Variants in SYNE3 observed in about 807,000 individuals in gnomAD.
The protein encoded by SYNE3 is nesprin-3.
A neutral mutation model predicts 111.2 loss-of-function variants in SYNE3; 100 were observed. The ratio of observed to expected loss-of-function variants is 0.90; its 90% CI spans 0.77 to 1.06. SYNE3 has a LOEUF of 1.06. SYNE3 is among the 50% of genes least tolerant of loss of function. The pLI, the probability that SYNE3 is intolerant of heterozygous loss-of-function variation, is 0.00. For missense variants in SYNE3, 1,160 were observed against 1,240.3 expected (o/e 0.94, Z 0.97); for synonymous variants, 547 against 533.9 (o/e 1.02, Z -0.34).
rs1427904116 is a variant in SYNE3 at position 95,474,714 on chromosome 14, G to T, written c.144+964C>A. 2.6e-5 allele frequency among the ~76,000 whole-genome samples: 4 copies of T among 152,212 alleles called. No individual in the cohort carries two copies. The East Asian group carries it at 7.7e-4, about 29-fold the overall frequency. On this transcript the variant is annotated intron_variant, in intron 2 of 17. Transcript: ENST00000682763. The stretch of plus-strand genomic sequence containing the variant: ...CACGGTCCACTTCCAGAAAGGGCAT[G>T]AGATATATGCAATATGGTGCACAGT...
At chr14:95,472,836 G>A (rs917552807) in intron 2 of SYNE3, among the ~76,000 whole-genome samples, 3 of 152,064 alleles carry the variant, frequency 2.0e-5, no homozygotes, top group African/African-American at 7.2e-5. Context: ...GGGGTGAGGG[G>A]GTTCATTCCT....
chr14:95,513,749 A>ATATATATATT (rs1349537114), intron 1 of SYNE3, among the ~76,000 whole-genome samples: 2 of 140,172 alleles, frequency 1.4e-5, no homozygotes, highest in African/African-American at 5.3e-5. Flanking sequence ...ATATATATAT[A>ATATATATATT]TATATATATA....
chr14:95,483,815 C>T (rs539042503), intron 1 of SYNE3, among the ~76,000 whole-genome samples: 42 of 152,166 alleles, frequency 2.8e-4, no homozygotes, highest in Admixed American at 1.2e-3. Context: ...TGCAGGGCCA[C>T]GCCACCCTCT....
Position 95,450,071 on chromosome 14 carries a change from C to T in SYNE3, c.1309G>A (p.Ala437Thr), listed in dbSNP as rs1179127265. 3 of 1,573,924 alleles carry T rather than the reference C, an allele frequency of 1.9e-6. No homozygotes were observed. Among genetic ancestry groups the T allele is most frequent in the African/African-American group, 1.4e-5 (1 of 73,832 alleles). The change falls in exon 8 of 18, where the codon GCG becomes ACG. Residue 437 changes from alanine to threonine, a missense_variant. Coordinates refer to ENST00000682763, the MANE Select transcript of SYNE3 (RefSeq NM_152592.6). ...AAATGCTGCCACAGCTCCACCGCCG[C>T]GGCATTGCGCAGCCTCGCGCTCTTC... ...KVKSARLRNAAAVELWQHFQR... is the reference protein window; with the variant it reads ...KVKSARLRNATAVELWQHFQR...
At position 95,417,905 on chromosome 14, in the gene SYNE3, T is replaced by C; in HGVS notation, c.2849A>G (p.Asp950Gly). 3 of 1,614,136 alleles carry C rather than the reference T, an allele frequency of 1.9e-6. No individual in the cohort carries two copies. The highest frequency in any genetic ancestry group is 2.5e-6 in the Non-Finnish European group (3 of 1,180,010). ...GTTGTTGGCCAGGGTGCAGCTGCGG[T>C]CCTCTTCCCTGATTGGGAGCAGGAA... ...LLFLLPIREE[D>G]RSCTLANNFA... The change falls in exon 18 of 18, where the codon GAC (aspartate) becomes GGC (glycine). Residue 950 changes from aspartate (D) to glycine (G), a missense_variant. Asp to Gly is a moderately conservative substitution (Grantham distance 94, BLOSUM62 -1). Coordinates refer to ENST00000682763, the MANE Select transcript of SYNE3 (RefSeq NM_152592.6).
chr14:95,512,751 G>A (rs144246785), intron 1 of SYNE3, among the ~76,000 whole-genome samples: 13,310 of 149,614 alleles, frequency 0.089, 680 homozygotes, highest in Non-Finnish European at 0.12. Flanking sequence ...CCAGCTACTC[G>A]GGAGGCTGAG....
rs141088383 is a variant in SYNE3 at position 95,480,822 on chromosome 14, C to A, written c.-14-4987G>T. ...TAACACTCATGAAATAAGGACAGGCCCACACCACGTGAGGCCCTTGTCCAA... is the reference window on the plus strand; with the variant it reads ...TAACACTCATGAAATAAGGACAGGCACACACCACGTGAGGCCCTTGTCCAA... On this transcript the variant is annotated intron_variant, in intron 1 of 17. Transcript: ENST00000682763. 1.9e-3 allele frequency among the ~76,000 whole-genome samples: 283 copies of A among 152,306 alleles called. 1 individual carries two copies. The highest frequency in any genetic ancestry group is 6.6e-3 in the African/African-American group (276 of 41,556).
Position 95,414,707 on chromosome 14 carries a change from AC to A in SYNE3, c.*3118del, listed in dbSNP as rs2139324905. The A allele has an allele frequency of 1.3e-5, 2 of 151,436 alleles. No individual in the cohort carries two copies. Among genetic ancestry groups the A allele is most frequent in the East Asian group, 3.9e-4 (2 of 5,160 alleles). The allele number at this position is 151,436 out of a possible 1,614,324, so 9.4% of individuals were successfully genotyped here. On this transcript the variant is annotated 3_prime_UTR_variant, in exon 18 of 18. Coordinates refer to ENST00000682763, the MANE Select transcript of SYNE3 (RefSeq NM_152592.6). Reference sequence around the variant, plus strand: ...CTCTGACACACACACACACACACACACACACACACACACACACACACACACG... The same window carrying A: ...CTCTGACACACACACACACACACACAACACACACACACACACACACACACG...
intron 1 of SYNE3, among the ~76,000 whole-genome samples, chr14:95,513,012 AT>A (rs1890777186): frequency 6.6e-6 from 1 of 152,136 alleles, no homozygotes; most frequent in African/African-American, 2.4e-5. Flanking sequence ...AATCACCTTG[AT>A]TTTGCATTAT....
intron 15 of SYNE3, among the ~76,000 whole-genome samples, chr14:95,434,329 C>T (rs1885965283): frequency 1.3e-5 from 2 of 152,212 alleles, no homozygotes; most frequent in South Asian, 4.1e-4. Flanking sequence ...GAACATTTGC[C>T]AATTTGGAAG....
In SYNE3 at chr14:95,410,434, G is replaced by A. The variant is rs913572826; in HGVS notation, c.*7392C>T. On this transcript the variant is annotated 3_prime_UTR_variant, in exon 18 of 18. Transcript: ENST00000682763. ...TCCTTGCAGATGTGGGGGAAAACAT[G>A]TGACACAGTCCTGGCCAATGAGATG... The A allele has an allele frequency of 1.3e-5, 2 of 152,250 alleles. No individual in the cohort carries two copies. The highest frequency in any genetic ancestry group is 4.8e-5 in the African/African-American group (2 of 41,450). 9.4% of individuals were successfully genotyped at this position (152,250 alleles called of 1,614,324 possible).
intron 1 of SYNE3, among the ~76,000 whole-genome samples, chr14:95,512,297 T>G (rs1201217977): frequency 3.9e-5 from 6 of 152,192 alleles, no homozygotes; most frequent in Non-Finnish European, 7.3e-5. Context: ...ATGCTCCACA[T>G]GATCTTTTAA....
rs767641871 is a variant in SYNE3 at position 95,409,316 on chromosome 14, C to T, written c.*8510G>A. The stretch of plus-strand genomic sequence containing the variant: ...TTTTGAAAGTGTCATGACCATATTG[C>T]AGGCGCTCGGGGTATGTTTTCTTCC... On this transcript the variant is annotated 3_prime_UTR_variant, in exon 18 of 18. Transcript: ENST00000682763. The T allele has an allele frequency of 2.1e-4, 98 of 456,640 alleles. No individual in the cohort carries two copies. Among genetic ancestry groups the T allele is most frequent in the Admixed American group, 9.4e-5 (4 of 42,572 alleles). 28.3% of individuals were successfully genotyped at this position (456,640 alleles called of 1,614,324 possible).
chr14:95,452,235 C>A lies in SYNE3; in HGVS notation c.1274+12G>T, dbSNP rs1490656396. The A allele has an allele frequency of 2.5e-6, 4 of 1,583,008 alleles. No homozygotes were observed. The highest frequency in any genetic ancestry group is 3.5e-6 in the Non-Finnish European group (4 of 1,158,288). ...CACCCTGAGTCCCACCACCCTTGGC[C>A]TTCCCAGATACCTCTGATACTCCTG... On this transcript the variant is annotated intron_variant, in intron 7 of 17. Coordinates refer to ENST00000682763, the MANE Select transcript of SYNE3 (RefSeq NM_152592.6).
intron 3 of SYNE3, among the ~76,000 whole-genome samples, chr14:95,466,955 G>T (rs995682731): frequency 6.6e-6 from 1 of 152,210 alleles, no homozygotes; most frequent in African/African-American, 2.4e-5. Context: ...TGCACCCAAT[G>T]GGGACGGAAG....
In SYNE3 at chr14:95,440,075, C is replaced by T. The variant is rs1193222648; in HGVS notation, c.1912G>A (p.Asp638Asn). The change falls in exon 12 of 18, where the codon GAC (aspartate) becomes AAC (asparagine). Residue 638 changes from aspartate to asparagine, a missense_variant and splice_region_variant. By Grantham distance (23) the Asp-to-Asn change is conservative. Coordinates refer to ENST00000682763, the MANE Select transcript of SYNE3 (RefSeq NM_152592.6). ...CTCTGCCGACACCTGTCCACAAGGT[C>T]CTGCAGCACAGCCCGGGGAGCCCAG... ...DFQALQRSLEDLVDRCRQSVQ... is the reference protein window; with the variant it reads ...DFQALQRSLENLVDRCRQSVQ... 1.3e-6 allele frequency: 2 copies of T among 1,598,472 alleles called. No homozygotes were observed. The highest frequency in any genetic ancestry group is 1.1e-5 in the South Asian group (1 of 90,690).
rs544421858 is a variant in SYNE3 at position 95,513,598 on chromosome 14, C to G, written c.-15+2998G>C. ...CAGCTTCCCAAACTTGTCCCCCGTC[C>G]ACTTCCTAGCTTCCTAGCTGCTCAG... On this transcript the variant is annotated intron_variant, in intron 1 of 17. Coordinates refer to ENST00000682763, the MANE Select transcript of SYNE3 (RefSeq NM_152592.6). 2.0e-5 allele frequency among the ~76,000 whole-genome samples: 3 copies of G among 152,026 alleles called. No individual in the cohort carries two copies. In the South Asian group the frequency reaches 6.2e-4, roughly 32 times the overall value.
At chr14:95,471,939 A>AC (rs1462768557) in intron 2 of SYNE3, among the ~76,000 whole-genome samples, 2 of 152,112 alleles carry the variant, frequency 1.3e-5, no homozygotes, top group Non-Finnish European at 2.9e-5. Flanking sequence ...AGACCAGGTG[A>AC]CCCCCAGCTG....
rs1020287003 is a variant in SYNE3 at position 95,485,190 on chromosome 14, A to G, written c.-14-9355T>C. Among the ~76,000 whole-genome samples the G allele has an allele frequency of 1.3e-5, 2 of 152,116 alleles. No homozygotes were observed. Among genetic ancestry groups the G allele is most frequent in the Non-Finnish European group, 2.9e-5 (2 of 68,012 alleles). Reference sequence around the variant, plus strand: ...TTGGGGCTGGGTCCTATTAGCTTTGAGTCAATGTAGGCCAAGATTAGAAAT... The same window carrying G: ...TTGGGGCTGGGTCCTATTAGCTTTGGGTCAATGTAGGCCAAGATTAGAAAT... On this transcript the variant is annotated intron_variant, in intron 1 of 17. Transcript: ENST00000682763. The surrounding 1 kb of genome is among the most constrained non-coding windows in gnomAD (Gnocchi z 4.3).
Sources: allele counts gnomAD v4.1 joint callset (sites outside exome capture counted in the v4.1 genomes callset), GRCh38; gene constraint gnomAD v4.1.1; non-coding constraint Gnocchi (gnomAD v3.1); transcripts MANE v1.5; gene names NCBI Gene and HGNC (gene_info 2026-07-23, HGNC 2026-07-21).